NLGN4X: variants seen among roughly 807,000 people sequenced by gnomAD.
The protein encoded by NLGN4X is neuroligin-4, X-linked.
Under a neutral mutation model 40.3 loss-of-function variants are expected in NLGN4X, and 3 were observed. The ratio of observed to expected loss-of-function variants is 0.07; its 90% confidence interval spans 0.03 to 0.19. The LOEUF (loss-of-function observed/expected upper bound fraction) is 0.19, where lower values mean the gene tolerates loss of function less well. Among genes scored for constraint, NLGN4X ranks in the 10% least tolerant of loss-of-function variants. The pLI, the probability that NLGN4X is intolerant of heterozygous loss-of-function variation, is 1.00. For missense variants in NLGN4X, 382 were observed against 708.3 expected (o/e 0.54, Z 5.23); for synonymous variants, 270 against 306.8 (o/e 0.88, Z 1.25).
chrX:6,007,185 G>A (rs2036123927), intron 3 of NLGN4X, among the ~76,000 whole-genome samples: 1 of 111,710 alleles, frequency 9.0e-6, no homozygotes, highest in African/African-American at 3.3e-5. Context: ...GAAACTGGGT[G>A]GAGGCCATTA....
chrX:6,194,892 A>T, intron 1 of NLGN4X, among the ~76,000 whole-genome samples: 1 of 112,090 alleles, frequency 8.9e-6, no homozygotes, highest in South Asian at 3.8e-4. Context: ...AGTAAGACCT[A>T]TCTTGACTCC....
At chrX:6,121,058 A>C (rs1160663843) in intron 2 of NLGN4X, among the ~76,000 whole-genome samples, 1 of 111,136 alleles carries the variant, frequency 9.0e-6, no homozygotes, top group East Asian at 2.8e-4. Flanking sequence ...AGCTTCGTCC[A>C]AAATCATTAA....
At chrX:5,970,165 A>G (rs2034981054) in intron 3 of NLGN4X, among the ~76,000 whole-genome samples, 2 of 106,952 alleles carry the variant, frequency 1.9e-5, no homozygotes, top group Non-Finnish European at 3.8e-5. Context: ...CTAAAACATA[A>G]AAGTATAATA....
chrX:5,899,066 T>C (rs1167821565), intron 5 of NLGN4X, among the ~76,000 whole-genome samples: 1 of 112,291 alleles, frequency 8.9e-6, no homozygotes, highest in Non-Finnish European at 1.9e-5. Flanking sequence ...GGGGCTGCCA[T>C]GGAGGTGTGA....
chrX:6,222,994 A>G (rs1051381499), intron 1 of NLGN4X, among the ~76,000 whole-genome samples: 6 of 110,968 alleles, frequency 5.4e-5, no homozygotes, highest in African/African-American at 2.0e-4. Flanking sequence ...TTCCTTTACA[A>G]ATTACCCAGT....
At chrX:6,012,795 C>G (rs2036288433) in intron 3 of NLGN4X, among the ~76,000 whole-genome samples, 1 of 111,167 alleles carries the variant, frequency 9.0e-6, no homozygotes, top group African/African-American at 3.3e-5. Context: ...GCTGAAAAGG[C>G]AAGGAAGGAT....
intron 3 of NLGN4X, among the ~76,000 whole-genome samples, chrX:5,919,962 C>G (rs898782037): frequency 9.0e-6 from 1 of 111,705 alleles, no homozygotes; most frequent in African/African-American, 3.3e-5. Flanking sequence ...TTCATGGTGT[C>G]TGGAAGGCCC....
At chrX:6,091,224 C>T (rs1296358019) in intron 2 of NLGN4X, among the ~76,000 whole-genome samples, 2 of 111,614 alleles carry the variant, frequency 1.8e-5, no homozygotes, top group Non-Finnish European at 3.8e-5. Context: ...TCCTTAAAAA[C>T]TAGCAATTTT....
At chrX:6,209,102 CA>C (rs1233889769) in intron 1 of NLGN4X, among the ~76,000 whole-genome samples, 1 of 111,761 alleles carries the variant, frequency 8.9e-6, no homozygotes, top group Non-Finnish European at 1.9e-5. Flanking sequence ...AACTGGAGGC[CA>C]TTACCTTAAG....
chrX:6,150,907 C>T, intron 2 of NLGN4X, 88 bp downstream of exon 2: 1 of 741,813 alleles, frequency 1.3e-6, no homozygotes, highest in Non-Finnish European at 2.1e-6. Context: ...TAGAAGAGAT[C>T]ATGCATGAGA....
At position 6,025,455 on chromosome X, in the gene NLGN4X, G is replaced by C. The variant is rs1316518166; in HGVS notation, c.625+3825C>G. On this transcript the variant is annotated intron_variant, in intron 3 of 5. Coordinates refer to ENST00000381095, the MANE Select transcript of NLGN4X (RefSeq NM_181332.3). ...GATATTAGTTAGCCATTACAGGTTG[G>C]GTCAGCTACAATTCTTACTGTGGAT... Among the ~76,000 whole-genome samples, 5 of 111,599 alleles carry C rather than the reference G, an allele frequency of 4.5e-5. No individual in the cohort carries two copies. In the South Asian group the frequency reaches 1.9e-3, roughly 41 times the overall value.
chrX:6,164,036 C>G (rs1440235905), intron 1 of NLGN4X, among the ~76,000 whole-genome samples: 1 of 112,967 alleles, frequency 8.9e-6, no homozygotes, highest in African/African-American at 3.2e-5. Context: ...AGAAGATGAG[C>G]TACTTCCACC....
intron 1 of NLGN4X, among the ~76,000 whole-genome samples, chrX:6,165,346 GA>G (rs999623425): frequency 5.4e-5 from 6 of 111,847 alleles, no homozygotes; most frequent in African/African-American, 2.0e-4. Flanking sequence ...CAGGGTTCAG[GA>G]AGGAAAGAGG....
chrX:6,131,683 A>C (rs1257586614), intron 2 of NLGN4X, among the ~76,000 whole-genome samples: 1 of 112,261 alleles, frequency 8.9e-6, no homozygotes. Flanking sequence ...CATGCACACC[A>C]ACTTCTGTAG....
chrX:5,974,163 G>T (rs1320222727), intron 3 of NLGN4X, among the ~76,000 whole-genome samples: 2 of 111,956 alleles, frequency 1.8e-5, no homozygotes, highest in Non-Finnish European at 3.8e-5. Flanking sequence ...GAAGGGGTGG[G>T]GAATGGCATG....
intron 2 of NLGN4X, among the ~76,000 whole-genome samples, chrX:6,063,282 T>C (rs185148434): frequency 1.9e-3 from 212 of 111,690 alleles, no homozygotes; most frequent in African/African-American, 6.4e-3. Flanking sequence ...CCAGACCAGC[T>C]TGGGCAACAT....
intron 2 of NLGN4X, among the ~76,000 whole-genome samples, chrX:6,143,060 T>C (rs750970361): frequency 4.5e-4 from 51 of 112,526 alleles, no homozygotes; most frequent in African/African-American, 1.4e-3. Flanking sequence ...AGACCCACTA[T>C]GCACATGCAA....
chrX:6,083,086 G>C (rs763282258), intron 2 of NLGN4X, among the ~76,000 whole-genome samples: 1 of 102,379 alleles, frequency 9.8e-6, no homozygotes, highest in Non-Finnish European at 2.0e-5. Flanking sequence ...AGCCTCCCGA[G>C]TAGCTGGGAC....
chrX:5,968,956 TAA>T (rs937601238), intron 3 of NLGN4X, among the ~76,000 whole-genome samples: 1 of 111,710 alleles, frequency 9.0e-6, no homozygotes, highest in African/African-American at 3.3e-5. Context: ...TAACAATGAT[TAA>T]AGTCTGGAAG....
Sources: allele counts gnomAD v4.1 joint callset (sites outside exome capture counted in the v4.1 genomes callset), GRCh38; gene constraint gnomAD v4.1.1; transcripts MANE v1.5; gene names NCBI Gene and HGNC (gene_info 2026-07-23, HGNC 2026-07-21).